The following PYGL variants were observed in gnomAD, a reference collection of about 807,000 sequenced individuals.
The protein encoded by PYGL is glycogen phosphorylase L, also known as glycogen phosphorylase, liver form.
In PYGL, 90 loss-of-function variants were observed where a neutral mutation model predicts 100.1. The observed-to-expected ratio is 0.90, with a 90% CI of 0.76 to 1.07. PYGL has a LOEUF of 1.07. PYGL is among the 50% of genes least tolerant of loss of function. The pLI is 0.00. For missense variants in PYGL, 1,016 were observed against 1,057.6 expected (o/e 0.96, Z 0.55); for synonymous variants, 373 against 393.0 (o/e 0.95, Z 0.60).
chr14:50,937,774 G>C lies in PYGL; in HGVS notation c.307C>G (p.Leu103Val). Residue 103 changes from leucine to valine, a missense_variant, in exon 2 of 20, where the codon CTC becomes GTC. By Grantham distance (32) the Leu-to-Val change is conservative. Transcript: ENST00000216392. ...TCATCACAGGCATTTTGCAGACCGAGGTTGATCATGGTGTTCTGTAATGTT... is the reference window on the plus strand; with the variant it reads ...TCATCACAGGCATTTTGCAGACCGACGTTGATCATGGTGTTCTGTAATGTT... ...GRTLQNTMIN[L>V]GLQNACDEAI... is the part of the protein sequence containing the mutation. 1.2e-6 allele frequency: 2 copies of C among 1,614,112 alleles called. No homozygotes were observed. The highest frequency in any genetic ancestry group is 1.7e-6 in the Non-Finnish European group (2 of 1,179,954).
chr14:50,943,925 T>A (rs1359432190), intron 1 of PYGL, among the ~76,000 whole-genome samples: 1 of 152,206 alleles, frequency 6.6e-6, no homozygotes, highest in Non-Finnish European at 1.5e-5. Flanking sequence ...GGCACAGTGG[T>A]TTGGGCGGGA....
chr14:50,905,343 A>T lies in PYGL; in HGVS notation c.*49T>A. Reference sequence around the variant, plus strand: ...ACAAAAACCAGTGAATGTTGTAAAAATGTTCAAGTTCAGTAAGAAGCTATG... The same window carrying T: ...ACAAAAACCAGTGAATGTTGTAAAATTGTTCAAGTTCAGTAAGAAGCTATG... On this transcript the variant is annotated 3_prime_UTR_variant, in exon 20 of 20. Coordinates refer to ENST00000216392, the MANE Select transcript of PYGL (RefSeq NM_002863.5). 1.9e-6 allele frequency: 3 copies of T among 1,550,882 alleles called. No individual in the cohort carries two copies. The highest frequency in any genetic ancestry group is 2.7e-6 in the Non-Finnish European group (3 of 1,124,110).
chr14:50,941,700 G>GAATCCTGTCGT (rs1401323792), intron 1 of PYGL, among the ~76,000 whole-genome samples: 1 of 152,108 alleles, frequency 6.6e-6, no homozygotes, highest in African/African-American at 2.4e-5. Context: ...CCAAATGGTG[G>GAATCCTGTCGT]AATCCTGTCG....
At chr14:50,917,785 C>T (rs1169767567) in intron 7 of PYGL, among the ~76,000 whole-genome samples, 1 of 152,214 alleles carries the variant, frequency 6.6e-6, no homozygotes, top group Non-Finnish European at 1.5e-5. Flanking sequence ...CAAGTTCCTC[C>T]CACATAGATT....
intron 16 of PYGL, among the ~76,000 whole-genome samples, chr14:50,910,769 C>T (rs2050387849): frequency 6.6e-6 from 1 of 152,210 alleles, no homozygotes; most frequent in Non-Finnish European, 1.5e-5. Context: ...TTCTACTTCT[C>T]ACCTCCTTCC....
chr14:50,915,992 A>G, intron 9 of PYGL, 21 bp from the exon 10 acceptor site: 1 of 1,613,756 alleles, frequency 6.2e-7, no homozygotes, highest in South Asian at 1.1e-5. Flanking sequence ...GGAAGGAGTC[A>G]GCTGCTTGCC....
intron 7 of PYGL, among the ~76,000 whole-genome samples, chr14:50,920,117 A>C (rs543984077): frequency 3.9e-5 from 6 of 152,180 alleles, no homozygotes; most frequent in Non-Finnish European, 5.9e-5. Context: ...CTCTAACTCC[A>C]TCTAGCATCA....
intron 4 of PYGL, among the ~76,000 whole-genome samples, chr14:50,925,761 G>T (rs1240522994): frequency 6.6e-6 from 1 of 152,194 alleles, no homozygotes; most frequent in Non-Finnish European, 1.5e-5. Context: ...GAATGGAAAT[G>T]GGACTCATAG....
At chr14:50,942,015 G>A (rs2050706011) in intron 1 of PYGL, among the ~76,000 whole-genome samples, 1 of 152,238 alleles carries the variant, frequency 6.6e-6, no homozygotes, top group Non-Finnish European at 1.5e-5. Flanking sequence ...CATAGAGTTA[G>A]AAAAGGAATT....
At chr14:50,928,458 C>T (rs1197657364) in intron 4 of PYGL, among the ~76,000 whole-genome samples, 2 of 152,082 alleles carry the variant, frequency 1.3e-5, no homozygotes, top group Non-Finnish European at 2.9e-5. Context: ...CCACTTGGAT[C>T]CAGCTCCGAG....
chr14:50,908,936 A>G lies in PYGL; in HGVS notation c.2197T>C (p.Tyr733His), dbSNP rs141992300. The G allele has an allele frequency of 1.5e-4, 171 of 1,156,696 alleles. 1 individual carries two copies. The African/African-American group carries it at 2.5e-3, about 17-fold the overall frequency. The allele number at this position is 1,156,696 out of a possible 1,614,324, so 71.7% of individuals were successfully genotyped here. A position where few individuals can be genotyped will look rare whatever the true frequency, so the allele number is the denominator to read the frequency against. ...DKKGYEAKEY[Y>H]EALPELKLVI... ...AGCTTCAGCTCTGGAAGTGCCTCAT[A>G]GTATTCTTTTGCCTCGTACCTGTGG... Residue 733 changes from tyrosine (Y) to histidine (H), a missense_variant, in exon 18 of 20, where the codon TAT becomes CAT. Physicochemically the swap from Tyr to His is moderately conservative, Grantham distance 83. Coordinates refer to ENST00000216392, the MANE Select transcript of PYGL (RefSeq NM_002863.5).
rs539419513 is a variant in PYGL, at chr14:50,938,505, C to T, written c.244-668G>A. The stretch of plus-strand genomic sequence containing the variant: ...GAGATTAGAGGCGCGAGCCACTGCG[C>T]CCGGCCCCTTTACTTTCTTAATAAA... On this transcript the variant is annotated intron_variant, in intron 1 of 19. Coordinates refer to ENST00000216392, the MANE Select transcript of PYGL (RefSeq NM_002863.5). Among the ~76,000 whole-genome samples the T allele has an allele frequency of 1.5e-3, 236 of 152,360 alleles. 2 individuals carry two copies. Among genetic ancestry groups the T allele is most frequent in the African/African-American group, 5.3e-3 (219 of 41,586 alleles).
chr14:50,940,042 G>A (rs1413880370), intron 1 of PYGL, among the ~76,000 whole-genome samples: 1 of 152,144 alleles, frequency 6.6e-6, no homozygotes, highest in Non-Finnish European at 1.5e-5. Context: ...TTGTTTGAAT[G>A]TCTATAATGC....
chr14:50,908,133 TTTG>T (rs1946244704), intron 19 of PYGL, 135 bp downstream of exon 19: 2 of 674,148 alleles, frequency 3.0e-6, no homozygotes, highest in Non-Finnish European at 5.0e-6. Context: ...TTTGTTTGTT[TTTG>T]TTGTTTTTTT....
At chr14:50,922,045 G>A (rs747783546) in intron 5 of PYGL, among the ~76,000 whole-genome samples, 1 of 152,222 alleles carries the variant, frequency 6.6e-6, no homozygotes, top group African/African-American at 2.4e-5. Flanking sequence ...CTGAAATAGA[G>A]AAGAGGAAGA....
chr14:50,930,840 A>G lies in PYGL; in HGVS notation c.528+833T>C, dbSNP rs141191349. 3.9e-5 allele frequency among the ~76,000 whole-genome samples: 6 copies of G among 152,288 alleles called. No individual in the cohort carries two copies. The East Asian group carries it at 9.6e-4, about 24-fold the overall frequency. ...TCAATGGTGTATGTATGAGACAAAAATAGGGAGAGAGGAAGCCTAAATCAC... is the reference window on the plus strand; with the variant it reads ...TCAATGGTGTATGTATGAGACAAAAGTAGGGAGAGAGGAAGCCTAAATCAC... On this transcript the variant is annotated intron_variant, in intron 4 of 19. Coordinates refer to ENST00000216392, the MANE Select transcript of PYGL (RefSeq NM_002863.5).
At chr14:50,931,223 C>T (rs1018116932) in intron 4 of PYGL, among the ~76,000 whole-genome samples, 2 of 152,152 alleles carry the variant, frequency 1.3e-5, no homozygotes, top group African/African-American at 2.4e-5. Flanking sequence ...TATTGGCCAG[C>T]AGTGTGATCT....
In PYGL at chr14:50,937,838, C is replaced by T; in HGVS notation, c.244-1G>A. The T allele has an allele frequency of 6.2e-7, 1 of 1,604,442 alleles. No homozygotes were observed. The highest frequency in any genetic ancestry group is 2.2e-5 in the East Asian group (1 of 44,830). On this transcript the variant is annotated splice_acceptor_variant, in intron 1 of 19. Coordinates refer to ENST00000216392, the MANE Select transcript of PYGL (RefSeq NM_002863.5). LOFTEE classifies it high-confidence loss of function. ...ATTCCAGAGAGAGGTAATATACCCTCTGAAATAAAGAAAAGAGAGATAATG... is the reference window on the plus strand; with the variant it reads ...ATTCCAGAGAGAGGTAATATACCCTTTGAAATAAAGAAAAGAGAGATAATG...
At chr14:50,920,145 G>A (rs527834106) in intron 7 of PYGL, among the ~76,000 whole-genome samples, 3 of 152,326 alleles carry the variant, frequency 2.0e-5, no homozygotes, top group African/African-American at 7.2e-5. Context: ...GGACCAGAAA[G>A]AGCCTAGTCA....
Sources: allele counts gnomAD v4.1 joint callset (sites outside exome capture counted in the v4.1 genomes callset), GRCh38; gene constraint gnomAD v4.1.1; transcripts MANE v1.5; gene names NCBI Gene and HGNC (gene_info 2026-07-23, HGNC 2026-07-21).